Variants in MYO5A observed in about 807,000 individuals in gnomAD.
MYO5A encodes the protein unconventional myosin-Va.
A neutral mutation model predicts 249.7 loss-of-function variants in MYO5A; 98 were observed. The ratio of observed to expected loss-of-function variants is 0.39; its 90% CI spans 0.33 to 0.46. MYO5A has a LOEUF of 0.46. Ranked by LOEUF, MYO5A falls within the 20% of genes least tolerant of loss-of-function variation. The pLI is 0.98. For missense variants in MYO5A, 1,696 were observed against 2,308.8 expected, an observed-to-expected ratio of 0.73 and a Z score of 5.44; for synonymous variants, 778 against 810.6, an observed-to-expected ratio of 0.96 and a Z score of 0.68.
At chr15:52,518,101 G>A (rs771324164) in intron 1 of MYO5A, among the ~76,000 whole-genome samples, 1 of 151,996 alleles carries the variant, frequency 6.6e-6, no homozygotes, top group Non-Finnish European at 1.5e-5. Flanking sequence ...TCAAGGGTTT[G>A]TGTGATTCTC....
intron 2 of MYO5A, among the ~76,000 whole-genome samples, chr15:52,431,606 C>T (rs1392803998): frequency 6.6e-6 from 1 of 151,588 alleles, no homozygotes; most frequent in Non-Finnish European, 1.5e-5. Context: ...AAATACTATC[C>T]TCCAATATAA....
chr15:52,519,763 C>G (rs965555860), intron 1 of MYO5A, among the ~76,000 whole-genome samples: 1 of 151,520 alleles, frequency 6.6e-6, no homozygotes, highest in Admixed American at 6.6e-5. Flanking sequence ...CAGAGTCTTG[C>G]TTTGTCGCCC....
At chr15:52,339,474 A>G (rs909314497) in intron 32 of MYO5A, among the ~76,000 whole-genome samples, 14 of 152,120 alleles carry the variant, frequency 9.2e-5, no homozygotes, top group Non-Finnish European at 5.9e-5. Context: ...ATCAGTAATA[A>G]AAGTTATTAT....
intron 1 of MYO5A, among the ~76,000 whole-genome samples, chr15:52,497,138 T>C (rs1334827202): frequency 2.0e-5 from 3 of 152,120 alleles, no homozygotes; most frequent in Non-Finnish European, 2.9e-5. Context: ...ATTTTTGTAT[T>C]TTTAGTAGAG....
intron 1 of MYO5A, among the ~76,000 whole-genome samples, chr15:52,449,071 C>A (rs191218721): frequency 7.0e-6 from 1 of 143,714 alleles, no homozygotes; most frequent in Non-Finnish European, 1.5e-5. Flanking sequence ...CGGGTTCAAG[C>A]GATTTTCCTG....
chr15:52,391,418 C>A (rs112773188), intron 12 of MYO5A, among the ~76,000 whole-genome samples: 1 of 152,090 alleles, frequency 6.6e-6, no homozygotes, highest in Non-Finnish European at 1.5e-5. Flanking sequence ...AGAAATAAAG[C>A]GAAAGAATAG....
At chr15:52,365,031 G>C (rs557394928) in intron 23 of MYO5A, among the ~76,000 whole-genome samples, 64 of 152,136 alleles carry the variant, frequency 4.2e-4, no homozygotes, top group Non-Finnish European at 8.1e-4. Flanking sequence ...TTATTCCAAT[G>C]GTATTCTATT....
chr15:52,519,243 G>A (rs984720045), intron 1 of MYO5A, among the ~76,000 whole-genome samples: 10 of 152,168 alleles, frequency 6.6e-5, no homozygotes, highest in Non-Finnish European at 1.2e-4. Flanking sequence ...GAAAATAGGG[G>A]AAATAAAATG....
intron 2 of MYO5A, among the ~76,000 whole-genome samples, chr15:52,430,131 G>A: frequency 6.6e-6 from 1 of 152,166 alleles, no homozygotes; most frequent in East Asian, 1.9e-4. Flanking sequence ...TATGCTAAAG[G>A]AGAGAAAAAT....
chr15:52,376,554 T>C lies in MYO5A; in HGVS notation c.2213A>G (p.Lys738Arg), dbSNP rs1422369427. 2.5e-6 allele frequency: 4 copies of C among 1,613,738 alleles called. No homozygotes were observed. In the Admixed American group the frequency reaches 6.7e-5, roughly 27 times the overall value. Residue 738 changes from lysine (K) to arginine (R), a missense_variant, in exon 19 of 42, where the codon AAG (lysine) becomes AGG (arginine). Lys to Arg is a conservative substitution (Grantham distance 26). Coordinates refer to ENST00000399233, the MANE Select transcript of MYO5A (RefSeq NM_001382347.1). ...KNVLEKLILD[K>R]DKYQFGKTKI... ...TGTCTTACCAAACTGGTATTTGTCC[T>C]TGTCCTATTTTTGGAAGAAATTGTA...
chr15:52,327,719 A>T, intron 36 of MYO5A, 133 bp downstream of exon 36: 1 of 933,936 alleles, frequency 1.1e-6, no homozygotes, highest in Non-Finnish European at 1.7e-6. Context: ...CAAAATAGAT[A>T]GGTAAGTAAA....
chr15:52,434,341 C>T (rs1317414906), intron 1 of MYO5A, among the ~76,000 whole-genome samples: 1 of 152,052 alleles, frequency 6.6e-6, no homozygotes, highest in Non-Finnish European at 1.5e-5. Flanking sequence ...CTGTGCTCTG[C>T]AAAGCCTTAG....
chr15:52,469,124 T>C lies in MYO5A; in HGVS notation c.28-35839A>G, dbSNP rs1004459365. ...GAAATTACACAAAGGCTAATTCATA[T>C]ATGTATATTAGTGTAAAGGTTAACT... On this transcript the variant is annotated intron_variant, in intron 1 of 41. Transcript: ENST00000399233. 3.9e-5 allele frequency among the ~76,000 whole-genome samples: 6 copies of C among 152,330 alleles called. No homozygotes were observed. In the East Asian group the frequency reaches 1.2e-3, roughly 29 times the overall value.
At chr15:52,348,506 T>C (rs562680822) in intron 29 of MYO5A, among the ~76,000 whole-genome samples, 11 of 152,268 alleles carry the variant, frequency 7.2e-5, no homozygotes, top group African/African-American at 2.4e-4. Context: ...CTTTTGAGTG[T>C]ACTCCAAGTT....
At chr15:52,371,004 T>C (rs1228732148) in intron 21 of MYO5A, among the ~76,000 whole-genome samples, 1 of 152,104 alleles carries the variant, frequency 6.6e-6, no homozygotes, top group East Asian at 1.9e-4. Flanking sequence ...TCCTAGCTAC[T>C]TGGGAGGCTG....
intron 38 of MYO5A, among the ~76,000 whole-genome samples, chr15:52,321,144 A>G (rs1304965609): frequency 6.6e-6 from 1 of 152,222 alleles, no homozygotes; most frequent in Non-Finnish European, 1.5e-5. Context: ...GAAACCATAT[A>G]CTACTGTTTC....
At chr15:52,343,485 G>C (rs2039473770) in intron 30 of MYO5A, among the ~76,000 whole-genome samples, 1 of 152,128 alleles carries the variant, frequency 6.6e-6, no homozygotes, top group Non-Finnish European at 1.5e-5. Context: ...AAGAGGTTCT[G>C]TTTTTGATGT....
intron 16 of MYO5A, 140 bp downstream of exon 16, chr15:52,382,951 G>T: frequency 1.4e-6 from 1 of 735,132 alleles, no homozygotes; most frequent in Non-Finnish European, 2.4e-6. Flanking sequence ...CTGACTAGTG[G>T]TTTCCCTCTA....
At chr15:52,476,114 T>C (rs2076585907) in intron 1 of MYO5A, among the ~76,000 whole-genome samples, 1 of 152,242 alleles carries the variant, frequency 6.6e-6, no homozygotes, top group Non-Finnish European at 1.5e-5. Flanking sequence ...TTAGCTCTTC[T>C]CGTTGAATTC....
Sources: gnomAD v4.1 joint callset for allele counts (sites outside exome capture counted in the v4.1 genomes callset) on GRCh38, gnomAD v4.1.1 for gene constraint, MANE v1.5 for transcripts, NCBI Gene and HGNC (gene_info 2026-07-23, HGNC 2026-07-21) for gene names.